The following SEMA3A variants were observed in gnomAD, a reference collection of about 807,000 sequenced individuals.
SEMA3A encodes the protein semaphorin 3A.
In SEMA3A, 29 loss-of-function variants were observed where a neutral mutation model predicts 97.9. That is an observed-to-expected ratio of 0.30 (90% CI 0.22 to 0.40). The LOEUF is 0.40. SEMA3A is among the 10% of genes least tolerant of loss of function. SEMA3A has a pLI of 1.00. For synonymous variants in SEMA3A, 321 were observed against 323.7 expected, an observed-to-expected ratio of 0.99 and a Z score of 0.09; for missense variants, 763 against 951.3, an observed-to-expected ratio of 0.80 and a Z score of 2.60.
intron 9 of SEMA3A, among the ~76,000 whole-genome samples, chr7:84,009,773 G>T (rs1053098401): frequency 1.3e-5 from 2 of 151,740 alleles, no homozygotes; most frequent in African/African-American, 4.8e-5. Context: ...AGGGAAGGAG[G>T]CAAGAGGAAG....
At chr7:84,216,502 C>T (rs528726992) in intron 3 of SEMA3A, among the ~76,000 whole-genome samples, 1 of 152,044 alleles carries the variant, frequency 6.6e-6, no homozygotes, top group Non-Finnish European at 1.5e-5. Flanking sequence ...TTTTTTCAAA[C>T]CTGATCCTTT....
At chr7:84,225,809 G>A (rs1798977068) in intron 3 of SEMA3A, among the ~76,000 whole-genome samples, 2 of 152,090 alleles carry the variant, frequency 1.3e-5, no homozygotes, top group African/African-American at 4.8e-5. Context: ...GCTAGAGTGG[G>A]ATAGTAGGAA....
intron 12 of SEMA3A, among the ~76,000 whole-genome samples, chr7:83,986,601 C>G (rs915583822): frequency 6.6e-6 from 1 of 152,050 alleles, no homozygotes; most frequent in Non-Finnish European, 1.5e-5. Flanking sequence ...ACAAACATTA[C>G]GAGAAGACAG....
At chr7:84,135,710 G>A (rs1796104654) in intron 1 of SEMA3A, among the ~76,000 whole-genome samples, 1 of 152,054 alleles carries the variant, frequency 6.6e-6, no homozygotes, top group African/African-American at 2.4e-5. Context: ...GTTCCTTGAG[G>A]CCTCTTTTAT....
At chr7:84,125,724 G>A (rs977311741) in intron 3 of SEMA3A, among the ~76,000 whole-genome samples, 2 of 152,116 alleles carry the variant, frequency 1.3e-5, no homozygotes, top group East Asian at 3.9e-4. Flanking sequence ...AGATAGAGAG[G>A]GAGAGAGAGG....
intron 3 of SEMA3A, among the ~76,000 whole-genome samples, chr7:84,293,209 T>A (rs1800792144): frequency 6.6e-6 from 1 of 152,100 alleles, no homozygotes; most frequent in South Asian, 2.1e-4. Flanking sequence ...CAACCATTGC[T>A]GTGACGCATC....
At chr7:84,300,845 A>G (rs1282019288) in intron 3 of SEMA3A, among the ~76,000 whole-genome samples, 2 of 152,104 alleles carry the variant, frequency 1.3e-5, no homozygotes. Flanking sequence ...CCTAATTGAT[A>G]TTTTTAAAGG....
At chr7:84,136,977 G>GAAGGAAGA (rs1268487832) in intron 1 of SEMA3A, among the ~76,000 whole-genome samples, 1 of 150,062 alleles carries the variant, frequency 6.7e-6, no homozygotes, top group Non-Finnish European at 1.5e-5. Flanking sequence ...AGGAAGGAAG[G>GAAGGAAGA]AAGGAAGGAA....
At chr7:84,472,861 T>C (rs1806187872) in intron 1 of SEMA3A, among the ~76,000 whole-genome samples, 2 of 152,162 alleles carry the variant, frequency 1.3e-5, no homozygotes, top group African/African-American at 4.8e-5. Flanking sequence ...ATTTAAGAAG[T>C]AGTATTACCT....
intron 3 of SEMA3A, among the ~76,000 whole-genome samples, chr7:84,214,398 C>G (rs1224079654): frequency 6.6e-6 from 1 of 152,124 alleles, no homozygotes; most frequent in African/African-American, 2.4e-5. Context: ...ATTCATCTCC[C>G]TTGTGAAATT....
intron 1 of SEMA3A, among the ~76,000 whole-genome samples, chr7:84,152,714 AAAG>A (rs1475528287): frequency 7.2e-5 from 11 of 152,058 alleles, no homozygotes; most frequent in African/African-American, 2.7e-4. Context: ...AATAAATAAA[AAAG>A]AAGAAGCTGA....
chr7:84,347,181 C>T (rs1050791160), intron 2 of SEMA3A, among the ~76,000 whole-genome samples: 2 of 152,064 alleles, frequency 1.3e-5, no homozygotes, highest in African/African-American at 4.8e-5. Context: ...AATCTCAGTG[C>T]TAGATATTTA....
chr7:84,384,364 C>G (rs1212498988), intron 1 of SEMA3A, among the ~76,000 whole-genome samples: 1 of 152,006 alleles, frequency 6.6e-6, no homozygotes, highest in Admixed American at 6.6e-5. Context: ...TATGTAAGAA[C>G]AGAAATAAAC....
At chr7:84,405,693 G>A (rs954766556) in intron 1 of SEMA3A, among the ~76,000 whole-genome samples, 1 of 152,140 alleles carries the variant, frequency 6.6e-6, no homozygotes, top group East Asian at 1.9e-4. Context: ...ATAGCAAACT[G>A]TCTCTCAGAC....
intron 2 of SEMA3A, among the ~76,000 whole-genome samples, chr7:84,313,405 T>TAA (rs1330663412): frequency 0.011 from 1,123 of 106,920 alleles, 51 homozygotes; most frequent in African/African-American, 0.024. Context: ...TATATATATA[T>TAA]AAACTATACG....
chr7:84,314,121 T>C (rs796327750), intron 2 of SEMA3A, among the ~76,000 whole-genome samples: 2 of 152,076 alleles, frequency 1.3e-5, no homozygotes, highest in South Asian at 2.1e-4. Flanking sequence ...CCTTTCTATG[T>C]GTGTATGATA....
intron 6 of SEMA3A, among the ~76,000 whole-genome samples, chr7:84,031,978 T>TA (rs1038204059): frequency 3.3e-5 from 5 of 152,164 alleles, no homozygotes; most frequent in East Asian, 1.9e-4. Context: ...TTATTCAAAA[T>TA]AAAAAAAATT....
chr7:84,323,142 A>G (rs866024829), intron 2 of SEMA3A, among the ~76,000 whole-genome samples: 5 of 152,242 alleles, frequency 3.3e-5, no homozygotes, highest in Admixed American at 1.3e-4. Context: ...TAAATGCTCC[A>G]TAAGTATTAA....
intron 6 of SEMA3A, among the ~76,000 whole-genome samples, chr7:84,019,782 A>C (rs1275825916): frequency 6.6e-6 from 1 of 152,110 alleles, no homozygotes; most frequent in Non-Finnish European, 1.5e-5. Flanking sequence ...CATTGGCACA[A>C]TACAATTTCA....
Sources: gnomAD v4.1 joint callset for allele counts (sites outside exome capture counted in the v4.1 genomes callset) on GRCh38, gnomAD v4.1.1 for gene constraint, MANE v1.5 for transcripts, NCBI Gene and HGNC (gene_info 2026-07-23, HGNC 2026-07-21) for gene names.